CDH12: variants seen among roughly 807,000 people sequenced by gnomAD.
The protein encoded by CDH12 is cadherin 12.
In CDH12, 41 loss-of-function variants were observed where a neutral mutation model predicts 74.1. The ratio of observed to expected loss-of-function variants is 0.55; its 90% CI spans 0.43 to 0.72. The LOEUF (loss-of-function observed/expected upper bound fraction) is 0.72. Among genes scored for constraint, CDH12 ranks in the 30% least tolerant of loss-of-function variants. CDH12 has a pLI of 0.00. For synonymous variants in CDH12, 399 were observed against 355.0 expected, an observed-to-expected ratio of 1.12 and a Z score of -1.39; for missense variants, 945 against 977.2, an observed-to-expected ratio of 0.97 and a Z score of 0.44.
chr5:22,529,199 A>G (rs1339394761), intron 1 of CDH12, among the ~76,000 whole-genome samples: 1 of 90,736 alleles, frequency 1.1e-5, no homozygotes, highest in African/African-American at 3.7e-5. Flanking sequence ...AGAGAGAGAG[A>G]GAGAGAGAGA....
chr5:22,716,008 G>A (rs192772950), intron 1 of CDH12, among the ~76,000 whole-genome samples: 4 of 151,686 alleles, frequency 2.6e-5, no homozygotes, highest in South Asian at 2.1e-4. Flanking sequence ...GTGATGGTGC[G>A]TGCCTGTAAT....
At chr5:22,045,369 C>T (rs567464372) in intron 5 of CDH12, among the ~76,000 whole-genome samples, 1 of 152,132 alleles carries the variant, frequency 6.6e-6, no homozygotes, top group East Asian at 1.9e-4. Flanking sequence ...TTAGGGAAAA[C>T]AGTAAGGAGG....
intron 2 of CDH12, among the ~76,000 whole-genome samples, chr5:22,424,278 A>C (rs1260470987): frequency 6.6e-6 from 1 of 152,086 alleles, no homozygotes; most frequent in Non-Finnish European, 1.5e-5. Context: ...AGGGATTAAC[A>C]ACAAATAGGA....
intron 2 of CDH12, among the ~76,000 whole-genome samples, chr5:22,416,920 T>A (rs1743416765): frequency 6.6e-6 from 1 of 152,220 alleles, no homozygotes; most frequent in Non-Finnish European, 1.5e-5. Context: ...AGATATTTTT[T>A]AATGAAAATG....
intron 1 of CDH12, among the ~76,000 whole-genome samples, chr5:22,643,715 T>G (rs1172597136): frequency 6.6e-6 from 1 of 150,798 alleles, no homozygotes; most frequent in East Asian, 2.0e-4. Context: ...TTTATTGCGC[T>G]TTTGGATTTT....
chr5:21,886,047 T>C (rs1180044512), intron 6 of CDH12, among the ~76,000 whole-genome samples: 1 of 152,180 alleles, frequency 6.6e-6, no homozygotes, highest in Non-Finnish European at 1.5e-5. Context: ...ATAAAATTTT[T>C]GGTTAAGCAC....
chr5:22,037,307 G>T (rs1318068589), intron 5 of CDH12, among the ~76,000 whole-genome samples: 2 of 152,168 alleles, frequency 1.3e-5, no homozygotes, highest in Non-Finnish European at 2.9e-5. Context: ...AGGGGCCTGA[G>T]CAGAAGGATT....
Position 22,097,873 on chromosome 5 carries a change from T to A in CDH12, c.-186-19011A>T, listed in dbSNP as rs537338450. 7.9e-5 allele frequency among the ~76,000 whole-genome samples: 12 copies of A among 152,276 alleles called. 3 individuals are homozygous for A. Among genetic ancestry groups the A allele is most frequent in the African/African-American group, 2.6e-4 (11 of 41,560 alleles). Reference sequence around the variant, plus strand: ...TGAGAAGATTAAAGCCTGTTATCTCTCACCTGCTACAGCATGGCCTTTTAA... The same window carrying A: ...TGAGAAGATTAAAGCCTGTTATCTCACACCTGCTACAGCATGGCCTTTTAA... On this transcript the variant is annotated intron_variant, in intron 4 of 14. Coordinates refer to ENST00000382254, the MANE Select transcript of CDH12 (RefSeq NM_004061.5).
chr5:21,865,024 T>A (rs1751253141), intron 6 of CDH12, among the ~76,000 whole-genome samples: 1 of 152,172 alleles, frequency 6.6e-6, no homozygotes, highest in East Asian at 1.9e-4. Context: ...GACATGAATC[T>A]TTTTCAGAAC....
intron 1 of CDH12, among the ~76,000 whole-genome samples, chr5:22,842,204 T>A (rs1222987644): frequency 1.3e-5 from 2 of 152,182 alleles, no homozygotes; most frequent in Non-Finnish European, 2.9e-5. Context: ...ACATGACTTC[T>A]TTTAAAATGC....
intron 1 of CDH12, among the ~76,000 whole-genome samples, chr5:22,556,457 A>T (rs1355024422): frequency 6.6e-6 from 1 of 152,096 alleles, no homozygotes; most frequent in Non-Finnish European, 1.5e-5. Context: ...TTTTCTCAAG[A>T]ACCAGCCATG....
At chr5:22,365,977 G>C (rs1380533014) in intron 3 of CDH12, among the ~76,000 whole-genome samples, 1 of 151,910 alleles carries the variant, frequency 6.6e-6, no homozygotes, top group Non-Finnish European at 1.5e-5. Flanking sequence ...TTTTGTTTTT[G>C]AGACTGAGTC....
chr5:21,967,555 G>C (rs1439229994), intron 6 of CDH12, among the ~76,000 whole-genome samples: 1 of 151,886 alleles, frequency 6.6e-6, no homozygotes, highest in East Asian at 1.9e-4. Context: ...TCATTTGGTG[G>C]TTTCGAAAAA....
chr5:21,819,929 T>C (rs1167264033), intron 8 of CDH12, among the ~76,000 whole-genome samples: 1 of 151,936 alleles, frequency 6.6e-6, no homozygotes, highest in Non-Finnish European at 1.5e-5. Context: ...AAGTTACATA[T>C]TAGGTTTATG....
intron 1 of CDH12, among the ~76,000 whole-genome samples, chr5:22,758,836 T>C (rs928029163): frequency 2.0e-5 from 3 of 152,134 alleles, no homozygotes; most frequent in Non-Finnish European, 2.9e-5. Context: ...GCTCAAATAA[T>C]CATCTTTATA....
chr5:21,914,233 G>T (rs534817648), intron 6 of CDH12, among the ~76,000 whole-genome samples: 74 of 152,168 alleles, frequency 4.9e-4, no homozygotes, highest in Non-Finnish European at 9.6e-4. Context: ...CTCTTCAATG[G>T]AATATTTGCT....
At chr5:22,682,573 C>A (rs1338462539) in intron 1 of CDH12, among the ~76,000 whole-genome samples, 1 of 151,972 alleles carries the variant, frequency 6.6e-6, no homozygotes, top group Non-Finnish European at 1.5e-5. Context: ...TTAATAGGAA[C>A]TAGTTATCTT....
At chr5:22,809,652 C>T (rs189206981) in intron 1 of CDH12, among the ~76,000 whole-genome samples, 10 of 151,642 alleles carry the variant, frequency 6.6e-5, no homozygotes, top group Admixed American at 5.2e-4. Context: ...TCTACTTTAC[C>T]AACAAGAAAA....
At chr5:22,047,594 G>T (rs914073307) in intron 5 of CDH12, among the ~76,000 whole-genome samples, 2 of 151,594 alleles carry the variant, frequency 1.3e-5, no homozygotes, top group African/African-American at 4.9e-5. Flanking sequence ...CAAGCACTCT[G>T]CTAGGTAAAG....
Sources: gnomAD v4.1 joint callset for allele counts (sites outside exome capture counted in the v4.1 genomes callset) on GRCh38, gnomAD v4.1.1 for gene constraint, MANE v1.5 for transcripts, NCBI Gene and HGNC (gene_info 2026-07-23, HGNC 2026-07-21) for gene names.